DLG2: variants seen among roughly 807,000 people sequenced by gnomAD.
The protein encoded by DLG2 is disks large homolog 2.
DLG2 carries 45 observed loss-of-function variants against 132.5 expected under a neutral mutation model. That is an observed-to-expected ratio of 0.34 (90% confidence interval 0.27 to 0.44). The LOEUF (loss-of-function observed/expected upper bound fraction) is 0.44, where lower values mean the gene tolerates loss of function less well. Among genes scored for constraint, DLG2 ranks in the 20% least tolerant of loss-of-function variants. The pLI is 1.00. For missense variants in DLG2, 1,045 were observed against 1,196.9 expected, an observed-to-expected ratio of 0.87 and a Z score of 1.87; for synonymous variants, 424 against 419.6, an observed-to-expected ratio of 1.01 and a Z score of -0.13.
At chr11:84,004,529 A>G (rs2094490730) in intron 11 of DLG2, among the ~76,000 whole-genome samples, 1 of 152,068 alleles carries the variant, frequency 6.6e-6, no homozygotes, top group Non-Finnish European at 1.5e-5. Flanking sequence ...CTGGAACAAG[A>G]TAAGAATGCC....
chr11:83,699,552 A>G (rs2082507935), intron 18 of DLG2, among the ~76,000 whole-genome samples: 1 of 150,478 alleles, frequency 6.6e-6, no homozygotes, highest in Non-Finnish European at 1.5e-5. Flanking sequence ...AAAGAAAAAA[A>G]AAAAAAAACT....
intron 3 of DLG2, among the ~76,000 whole-genome samples, chr11:85,374,135 T>C (rs1316059077): frequency 6.6e-6 from 1 of 152,088 alleles, no homozygotes; most frequent in African/African-American, 2.4e-5. Flanking sequence ...AAGCAGACAG[T>C]TTTTGAGCTG....
At chr11:84,463,626 G>C (rs989149265) in intron 7 of DLG2, among the ~76,000 whole-genome samples, 24 of 151,152 alleles carry the variant, frequency 1.6e-4, no homozygotes, top group Admixed American at 6.6e-5. Flanking sequence ...TTAATTACCT[G>C]ATTATGATAC....
rs73515147 is a variant in DLG2, at chr11:83,821,752, C to G, written c.1722+11862G>C. Reference sequence around the variant, plus strand: ...TTAACAAATAAGAGTCACAGCCATACAGCCAAAGTGTTTTCCACTTCTTCC... The same window carrying G: ...TTAACAAATAAGAGTCACAGCCATAGAGCCAAAGTGTTTTCCACTTCTTCC... On this transcript the variant is annotated intron_variant, in intron 17 of 27. Transcript: ENST00000376104. Among the ~76,000 whole-genome samples the G allele has an allele frequency of 5.1e-3, 773 of 151,976 alleles. 11 individuals carry two copies. The highest frequency in any genetic ancestry group is 0.018 in the African/African-American group (744 of 41,260).
intron 7 of DLG2, among the ~76,000 whole-genome samples, chr11:84,279,884 CAACTT>C (rs1197970776): frequency 1.3e-5 from 2 of 152,112 alleles, no homozygotes; most frequent in Non-Finnish European, 2.9e-5. Flanking sequence ...AACTAATTAA[CAACTT>C]AACGATTATC....
chr11:85,244,316 G>A (rs757656047), intron 4 of DLG2, among the ~76,000 whole-genome samples: 4 of 151,950 alleles, frequency 2.6e-5, no homozygotes, highest in African/African-American at 4.8e-5. Flanking sequence ...GGCTAGTGGT[G>A]AAAGTTTATG....
chr11:85,354,236 A>G (rs1165464934), intron 3 of DLG2, among the ~76,000 whole-genome samples: 2 of 152,170 alleles, frequency 1.3e-5, no homozygotes, highest in Non-Finnish European at 2.9e-5. Flanking sequence ...ATGTCTTTGA[A>G]TAATTTCAAG....
intron 7 of DLG2, among the ~76,000 whole-genome samples, chr11:84,360,675 C>T (rs887488631): frequency 2.6e-5 from 4 of 151,586 alleles, no homozygotes; most frequent in African/African-American, 9.7e-5. Flanking sequence ...AATTTGTGGT[C>T]AGAATACCAG....
chr11:85,214,265 C>A (rs1019459764), intron 4 of DLG2, among the ~76,000 whole-genome samples: 4 of 152,154 alleles, frequency 2.6e-5, no homozygotes, highest in Non-Finnish European at 4.4e-5. Context: ...ATTAGGACAA[C>A]CTTCTGGTTC....
intron 3 of DLG2, among the ~76,000 whole-genome samples, chr11:85,428,744 G>A (rs546880065): frequency 2.6e-5 from 4 of 152,050 alleles, no homozygotes; most frequent in Admixed American, 6.6e-5. Flanking sequence ...AAACACATTT[G>A]AAAGCTAGCA....
At chr11:85,559,322 T>A (rs1032299041) in intron 3 of DLG2, among the ~76,000 whole-genome samples, 1 of 151,200 alleles carries the variant, frequency 6.6e-6, no homozygotes, top group Non-Finnish European at 1.5e-5. Flanking sequence ...AGCTAATTTT[T>A]ATATTTTTAA....
chr11:84,172,557 ATTTG>A (rs67846182), intron 8 of DLG2, among the ~76,000 whole-genome samples: 7,106 of 37,058 alleles, frequency 0.19, 235 homozygotes, highest in Middle Eastern at 0.45. Flanking sequence ...TTATTTATTT[ATTTG>A]AGGTGGAGTC....
chr11:85,264,864 T>C lies in DLG2; in HGVS notation c.186+20356A>G, dbSNP rs1009173641. Among the ~76,000 whole-genome samples the C allele has an allele frequency of 1.7e-4, 26 of 152,224 alleles. 2 individuals are homozygous for C. Among genetic ancestry groups the C allele is most frequent in the Non-Finnish European group, 7.3e-5 (5 of 68,046 alleles). On this transcript the variant is annotated intron_variant, in intron 4 of 27. Coordinates refer to ENST00000376104, the MANE Select transcript of DLG2 (RefSeq NM_001142699.3). ...TTGAACTTCTGTTCTAATTTGTTCT[T>C]AAAATCTTCCAAGGAGTTCATACTA...
intron 6 of DLG2, among the ~76,000 whole-genome samples, chr11:84,902,433 T>C (rs984670573): frequency 6.6e-6 from 1 of 152,158 alleles, no homozygotes; most frequent in Non-Finnish European, 1.5e-5. Flanking sequence ...TCTATCCCCT[T>C]ACAGAAGCCG....
At chr11:85,284,813 C>A (rs1213252569) in intron 4 of DLG2, among the ~76,000 whole-genome samples, 1 of 151,654 alleles carries the variant, frequency 6.6e-6, no homozygotes, top group Non-Finnish European at 1.5e-5. Context: ...TCTGCTCCTA[C>A]ACTTCAACTG....
intron 8 of DLG2, among the ~76,000 whole-genome samples, chr11:84,170,435 T>C (rs111275634): frequency 2.0e-5 from 3 of 152,210 alleles, no homozygotes; most frequent in African/African-American, 7.2e-5. Flanking sequence ...GTCTAACAGA[T>C]AGAGACAAGT....
intron 11 of DLG2, among the ~76,000 whole-genome samples, chr11:83,990,202 T>A (rs923229005): frequency 1.3e-5 from 2 of 152,130 alleles, no homozygotes; most frequent in South Asian, 2.1e-4. Flanking sequence ...GAAAAAGGCA[T>A]GCCAAATTTA....
In DLG2 at chr11:83,874,254, A is replaced by AGGAAGGAGAGAG. The variant is rs2064141709; in HGVS notation, c.1565+165_1565+166insCTCTCTCCTTCC. Among the ~76,000 whole-genome samples the AGGAAGGAGAGAG allele has an allele frequency of 5.4e-5, 8 of 146,878 alleles. No individual in the cohort carries two copies. The South Asian group carries it at 1.9e-3, about 34-fold the overall frequency. ...GAAAGACAAAGAAAGAAGGGAAGGA[A>AGGAAGGAGAGAG]GGAAGGAAAGAAGGAAGGAAGGGGA... On this transcript the variant is annotated intron_variant, in intron 16 of 27. Transcript: ENST00000376104.
chr11:85,401,163 G>A (rs1596974215), intron 3 of DLG2, among the ~76,000 whole-genome samples: 1 of 152,052 alleles, frequency 6.6e-6, no homozygotes, highest in African/African-American at 2.4e-5. Context: ...CTTCATCCCT[G>A]GGATGCAAGA....
Sources: allele counts gnomAD v4.1 joint callset (sites outside exome capture counted in the v4.1 genomes callset), GRCh38; gene constraint gnomAD v4.1.1; transcripts MANE v1.5; gene names NCBI Gene and HGNC (gene_info 2026-07-23, HGNC 2026-07-21).